Variants in ARPP21 observed in about 807,000 individuals in gnomAD.
ARPP21 encodes the protein cAMP regulated phosphoprotein 21.
Under a neutral mutation model 113.2 loss-of-function variants are expected in ARPP21, and 69 were observed. That is an observed-to-expected ratio of 0.61 (90% CI 0.50 to 0.74). The LOEUF (loss-of-function observed/expected upper bound fraction) is 0.74, where lower values mean the gene tolerates loss of function less well. ARPP21 is among the 30% of genes least tolerant of loss of function. The probability of loss-of-function intolerance (pLI) is 0.00; values close to 1 mark genes in which losing one functional copy is unlikely to be tolerated. For missense variants in ARPP21, 1,070 were observed against 1,037.4 expected, an observed-to-expected ratio of 1.03 and a Z score of -0.43; for synonymous variants, 368 against 375.5, an observed-to-expected ratio of 0.98 and a Z score of 0.23.
At chr3:35,754,677 C>T (rs2151149808) in intron 19 of ARPP21, among the ~76,000 whole-genome samples, 1 of 151,766 alleles carries the variant, frequency 6.6e-6, no homozygotes, top group Non-Finnish European at 1.5e-5. Context: ...TTACACATTC[C>T]CAAAAACGGT....
rs183848724 is a variant in ARPP21, at chr3:35,683,985, G to A, written c.261+170G>A. ...ATGCAACATTCTAAAATAGTTTAATGGTTTGTCACAGAGTATTAAATTTGT... is the reference window on the plus strand; with the variant it reads ...ATGCAACATTCTAAAATAGTTTAATAGTTTGTCACAGAGTATTAAATTTGT... On this transcript the variant is annotated intron_variant, in intron 5 of 20. Transcript: ENST00000684406. 2.4e-5 allele frequency: 33 copies of A among 1,384,932 alleles called. No individual in the cohort carries two copies. In the Admixed American group the frequency reaches 3.6e-4, roughly 15 times the overall value. 85.8% of individuals were successfully genotyped at this position (1,384,932 alleles called of 1,614,324 possible).
chr3:35,725,751 C>T (rs1275606378), intron 14 of ARPP21, among the ~76,000 whole-genome samples: 2 of 152,130 alleles, frequency 1.3e-5, no homozygotes, highest in Non-Finnish European at 2.9e-5. Flanking sequence ...GAGGGTTCAC[C>T]TGAGTCCCTC....
chr3:35,748,272 A>C (rs377634442), intron 19 of ARPP21, among the ~76,000 whole-genome samples: 1 of 146,786 alleles, frequency 6.8e-6, no homozygotes, highest in African/African-American at 2.5e-5. Context: ...GAGAGAGAGA[A>C]AGAAAGAAAA....
intron 16 of ARPP21, 105 bp from the exon 17 acceptor site, chr3:35,738,109 G>T (rs900347939): frequency 7.3e-6 from 5 of 685,048 alleles, no homozygotes; most frequent in Admixed American, 6.9e-5. Flanking sequence ...CCCCTCTCTG[G>T]AGTGCACTGA....
chr3:35,729,392 G>A lies in ARPP21; in HGVS notation c.1315G>A (p.Ala439Thr). The change falls in exon 15 of 21, where the codon GCA becomes ACA. Residue 439 changes from alanine (A) to threonine (T), a missense_variant. Transcript: ENST00000684406. ...LQSTPLVSGV[A>T]AGSPGCVPYP... ...GAGCACACCCCTAGTCTCAGGTGTGGCAGCTGGCTCTCCAGGCTGTGTGCC... is the reference window on the plus strand; with the variant it reads ...GAGCACACCCCTAGTCTCAGGTGTGACAGCTGGCTCTCCAGGCTGTGTGCC... 11 of 1,614,174 alleles carry A rather than the reference G, an allele frequency of 6.8e-6. No individual in the cohort carries two copies. Among genetic ancestry groups the A allele is most frequent in the African/African-American group, 1.3e-5 (1 of 75,052 alleles).
chr3:35,681,992 A>G, intron 3 of ARPP21, 112 bp downstream of exon 3: 1 of 1,234,408 alleles, frequency 8.1e-7, no homozygotes, highest in Non-Finnish European at 1.1e-6. Context: ...TGGTTATATC[A>G]TTAGGAAATG....
chr3:35,707,681 TA>T, intron 10 of ARPP21: 1 of 390,696 alleles, frequency 2.6e-6, no homozygotes, highest in Non-Finnish European at 5.2e-6. Flanking sequence ...GCATGAAGTG[TA>T]GCAGAACTTT....
At chr3:35,748,324 GAA>G (rs1469046590) in intron 19 of ARPP21, among the ~76,000 whole-genome samples, 1 of 118,010 alleles carries the variant, frequency 8.5e-6, no homozygotes, top group Non-Finnish European at 1.8e-5. Flanking sequence ...GAAAGAAAAA[GAA>G]AGAAAGAAAG....
intron 11 of ARPP21, among the ~76,000 whole-genome samples, chr3:35,712,152 C>A (rs1365539632): frequency 6.6e-6 from 1 of 152,184 alleles, no homozygotes; most frequent in African/African-American, 2.4e-5. Context: ...GGCACAAGAT[C>A]ATTCTTTCAT....
chr3:35,662,045 G>T (rs553651092), intron 1 of ARPP21, among the ~76,000 whole-genome samples: 32 of 152,194 alleles, frequency 2.1e-4, no homozygotes, highest in South Asian at 1.2e-3. Flanking sequence ...TGAGATTAGA[G>T]AATTATGTAG....
chr3:35,696,890 TC>T (rs2084262312), intron 9 of ARPP21, among the ~76,000 whole-genome samples: 1 of 151,598 alleles, frequency 6.6e-6, no homozygotes, highest in Admixed American at 6.6e-5. Context: ...AGTTTCTCTC[TC>T]TTTTACTCAT....
At chr3:35,685,709 G>T (rs2080351273) in intron 5 of ARPP21, 4 of 983,842 alleles carry the variant, frequency 4.1e-6, no homozygotes, top group Non-Finnish European at 4.8e-6. Flanking sequence ...TAAGTTAAAA[G>T]AATTTTGCTT....
intron 2 of ARPP21, 134 bp from the exon 3 acceptor site, chr3:35,681,580 G>GT: frequency 1.8e-6 from 1 of 568,404 alleles, no homozygotes; most frequent in East Asian, 2.8e-5. Flanking sequence ...ATTTCATCTT[G>GT]TTTTTTCCCC....
intron 19 of ARPP21, among the ~76,000 whole-genome samples, chr3:35,762,840 C>T (rs1009319990): frequency 6.6e-6 from 1 of 152,050 alleles, no homozygotes; most frequent in Non-Finnish European, 1.5e-5. Context: ...CAGACTCAGA[C>T]ACTAGAGCCA....
chr3:35,763,474 A>G (rs757423846), intron 19 of ARPP21, among the ~76,000 whole-genome samples: 1 of 152,136 alleles, frequency 6.6e-6, no homozygotes, highest in Non-Finnish European at 1.5e-5. Flanking sequence ...TGCCTCACCA[A>G]GGTGTGGAGT....
chr3:35,739,111 C>T (rs2094518655), intron 17 of ARPP21, among the ~76,000 whole-genome samples: 1 of 152,186 alleles, frequency 6.6e-6, no homozygotes. Flanking sequence ...TCATCTCTGA[C>T]TCTCTTGGGA....
At chr3:35,694,888 C>CAT (rs762753768) in intron 9 of ARPP21, among the ~76,000 whole-genome samples, 2 of 147,538 alleles carry the variant, frequency 1.4e-5, no homozygotes, top group Non-Finnish European at 3.0e-5. Flanking sequence ...TGAAGGAAAG[C>CAT]ATATATATAT....
rs757564373 is a variant in ARPP21, at chr3:35,729,340, G to T, written c.1263G>T (p.Ser421=). 6.2e-7 allele frequency: 1 copy of T among 1,614,048 alleles called. No individual in the cohort carries two copies. Among genetic ancestry groups the T allele is most frequent in the Non-Finnish European group, 8.5e-7 (1 of 1,179,986 alleles). ...ESSSSAGSSG[S]LSRTHPPLQS... Reference sequence around the variant, plus strand: ...CCAGCAGTGCAGGCTCCTCAGGATCGCTGTCCCGCACCCATCCACCTCTCC... The same window carrying T: ...CCAGCAGTGCAGGCTCCTCAGGATCTCTGTCCCGCACCCATCCACCTCTCC... Residue 421 remains serine (S), a synonymous_variant, in exon 15 of 21, where the codon TCG becomes TCT. Transcript: ENST00000684406.
At chr3:35,764,922 C>G (rs916196805) in intron 19 of ARPP21, among the ~76,000 whole-genome samples, 7 of 151,956 alleles carry the variant, frequency 4.6e-5, no homozygotes, top group Non-Finnish European at 1.0e-4. Context: ...TTTCTAAAAC[C>G]TTTTCACTTC....
Sources: gnomAD v4.1 joint callset for allele counts (sites outside exome capture counted in the v4.1 genomes callset) on GRCh38, gnomAD v4.1.1 for gene constraint, MANE v1.5 for transcripts, NCBI Gene and HGNC (gene_info 2026-07-23, HGNC 2026-07-21) for gene names.